Variants in NOX3 observed in about 807,000 individuals in gnomAD.
The protein encoded by NOX3 is NADPH oxidase catalytic subunit-like 3.
A neutral mutation model predicts 76.7 loss-of-function variants in NOX3; 74 were observed. That is an observed-to-expected ratio of 0.96 (90% CI 0.80 to 1.17). The LOEUF (loss-of-function observed/expected upper bound fraction) is 1.17. NOX3 is among the 50% of genes most tolerant of loss of function. The pLI is 0.00. For synonymous variants in NOX3, 263 were observed against 261.1 expected (o/e 1.01, Z -0.07); for missense variants, 695 against 703.3 (o/e 0.99, Z 0.13).
intron 6 of NOX3, 26 bp downstream of exon 6, chr6:155,439,930 T>C (rs767265048): frequency 6.3e-7 from 1 of 1,588,634 alleles, no homozygotes; most frequent in East Asian, 2.3e-5. Flanking sequence ...ATAAAATCCT[T>C]GCAGAGGAGC....
chr6:155,439,855 G>A, intron 6 of NOX3, 101 bp downstream of exon 6: 1 of 1,031,056 alleles, frequency 9.7e-7, no homozygotes, highest in Non-Finnish European at 1.4e-6. Flanking sequence ...TACGAGTCCT[G>A]TAGTCACCGC....
At chr6:155,421,376 TGGA>T (rs1776686839) in intron 10 of NOX3, among the ~76,000 whole-genome samples, 1 of 152,188 alleles carries the variant, frequency 6.6e-6, no homozygotes. Context: ...ACCTGTCACT[TGGA>T]AACTCATGAA....
At chr6:155,438,505 T>C (rs1162050363) in intron 6 of NOX3, among the ~76,000 whole-genome samples, 1 of 152,158 alleles carries the variant, frequency 6.6e-6, no homozygotes, top group African/African-American at 2.4e-5. Flanking sequence ...TGTGTTTCTG[T>C]CCACCAGCTG....
At chr6:155,452,071 A>G (rs931101281) in intron 4 of NOX3, among the ~76,000 whole-genome samples, 8 of 152,172 alleles carry the variant, frequency 5.3e-5, no homozygotes, top group Non-Finnish European at 1.2e-4. Flanking sequence ...TTATGCAGAA[A>G]TCAAGCTATT....
At position 155,455,147 on chromosome 6, in the gene NOX3, G is replaced by A; in HGVS notation, c.49-18C>T. On this transcript the variant is annotated intron_variant, in intron 1 of 13. Transcript: ENST00000159060. The stretch of plus-strand genomic sequence containing the variant: ...CATGAGAGCTAGAGTAGAAAGGAAA[G>A]AGAACCAATGATTACTACCTTCAAG... 1 of 1,509,834 alleles carries A rather than the reference G, an allele frequency of 6.6e-7. No homozygotes were observed. The highest frequency in any genetic ancestry group is 1.7e-4 in the Middle Eastern group (1 of 5,810). 93.5% of individuals were successfully genotyped at this position (1,509,834 alleles called of 1,614,324 possible). A position where few individuals can be genotyped will look rare whatever the true frequency, so the allele number is the denominator to read the frequency against.
chr6:155,430,757 T>C (rs1458852620), intron 8 of NOX3, 86 bp downstream of exon 8: 4 of 786,426 alleles, frequency 5.1e-6, no homozygotes, highest in Non-Finnish European at 8.6e-6. Context: ...AGTTCTGCAA[T>C]AAAAATGGCA....
rs138518702 is a variant in NOX3, at chr6:155,397,634, T to C, written c.1581-672A>G. ...CCTCAGTTTCTGCATGTGGAAAAGA[T>C]GATAAGGACTACGTTGTATGTTTTA... On this transcript the variant is annotated intron_variant, in intron 12 of 13. Transcript: ENST00000159060. Among the ~76,000 whole-genome samples, 749 of 152,324 alleles carry C rather than the reference T, an allele frequency of 4.9e-3. 11 individuals are homozygous for C. The highest frequency in any genetic ancestry group is 0.017 in the African/African-American group (713 of 41,564).
At chr6:155,433,524 T>A (rs959068007) in intron 7 of NOX3, among the ~76,000 whole-genome samples, 10 of 152,250 alleles carry the variant, frequency 6.6e-5, no homozygotes, top group Non-Finnish European at 1.2e-4. Flanking sequence ...GTTCATAACG[T>A]CCTGTTTTGT....
chr6:155,435,187 T>A (rs1776885249), intron 7 of NOX3, among the ~76,000 whole-genome samples: 1 of 151,264 alleles, frequency 6.6e-6, no homozygotes, highest in South Asian at 2.1e-4. Flanking sequence ...CAGGGGAGAG[T>A]TAGAGAGAGA....
chr6:155,397,050 G>C (rs1779148785), intron 12 of NOX3, 88 bp from the exon 13 acceptor site: 8 of 1,263,300 alleles, frequency 6.3e-6, no homozygotes, highest in Non-Finnish European at 8.5e-6. Flanking sequence ...TAATGAAGTG[G>C]TTGTGGCTTT....
chr6:155,432,134 A>G (rs1035839692), intron 7 of NOX3, among the ~76,000 whole-genome samples: 2 of 152,140 alleles, frequency 1.3e-5, no homozygotes, highest in Non-Finnish European at 2.9e-5. Context: ...GTTTTGATAC[A>G]TACAATGTAT....
At chr6:155,421,123 G>T (rs1175184480) in intron 10 of NOX3, among the ~76,000 whole-genome samples, 1 of 152,126 alleles carries the variant, frequency 6.6e-6, no homozygotes, top group Non-Finnish European at 1.5e-5. Context: ...CTAAAATATT[G>T]CTCCAGGGTT....
intron 4 of NOX3, among the ~76,000 whole-genome samples, chr6:155,452,538 C>T (rs771010391): frequency 6.6e-6 from 1 of 152,162 alleles, no homozygotes; most frequent in Non-Finnish European, 1.5e-5. Context: ...TCATGTCTCA[C>T]TGCACCCCCA....
intron 9 of NOX3, among the ~76,000 whole-genome samples, chr6:155,423,297 T>C (rs1321206786): frequency 6.6e-6 from 1 of 152,190 alleles, no homozygotes; most frequent in African/African-American, 2.4e-5. Context: ...AATGTCATTC[T>C]CCCCTGTTTA....
At chr6:155,441,534 C>T (rs144369554) in intron 5 of NOX3, among the ~76,000 whole-genome samples, 19 of 152,236 alleles carry the variant, frequency 1.2e-4, no homozygotes, top group African/African-American at 3.9e-4. Flanking sequence ...CAAAACAATC[C>T]CACTGCATCT....
chr6:155,409,857 G>A lies in NOX3; in HGVS notation c.1455+1357C>T, dbSNP rs1414433239. Among the ~76,000 whole-genome samples, 4 of 152,242 alleles carry A rather than the reference G, an allele frequency of 2.6e-5. No individual in the cohort carries two copies. The East Asian group carries it at 7.7e-4, about 29-fold the overall frequency. On this transcript the variant is annotated intron_variant, in intron 11 of 13. Transcript: ENST00000159060. ...ATAGCATATTCTTGGAAGTAGTAGA[G>A]ACGGGAGGGGGCAGGATTGTGTTGT...
chr6:155,411,839 T>C (rs1281646894), intron 10 of NOX3, among the ~76,000 whole-genome samples: 2 of 152,198 alleles, frequency 1.3e-5, no homozygotes, highest in African/African-American at 4.8e-5. Context: ...GTGGAGATTA[T>C]GGTAATTTCA....
intron 4 of NOX3, among the ~76,000 whole-genome samples, chr6:155,446,233 C>T (rs1777063911): frequency 6.6e-6 from 1 of 151,928 alleles, no homozygotes; most frequent in Non-Finnish European, 1.5e-5. Flanking sequence ...TGTTTAGCCT[C>T]AGCATCCACA....
rs554851755 is a variant in NOX3 at position 155,397,991 on chromosome 6, C to A, written c.1581-1029G>T. On this transcript the variant is annotated intron_variant, in intron 12 of 13. Transcript: ENST00000159060. ...CCTTGCAACTTAGCCTACATATAAA[C>A]ACCACATCTGCACAGGGTTTCAAAG... Among the ~76,000 whole-genome samples the A allele has an allele frequency of 3.3e-5, 5 of 152,326 alleles. No homozygotes were observed. The South Asian group carries it at 1.0e-3, about 32-fold the overall frequency.
Sources: gnomAD v4.1 joint callset for allele counts (sites outside exome capture counted in the v4.1 genomes callset) on GRCh38, gnomAD v4.1.1 for gene constraint, MANE v1.5 for transcripts, NCBI Gene and HGNC (gene_info 2026-07-23, HGNC 2026-07-21) for gene names.